XPO6: variants seen among roughly 807,000 people sequenced by gnomAD.
XPO6 encodes exportin 6, also known as exportin-6.
Under a neutral mutation model 130.0 loss-of-function variants are expected in XPO6, and 3 were observed. The observed-to-expected ratio is 0.02, with a 90% CI of 0.01 to 0.06. The LOEUF (loss-of-function observed/expected upper bound fraction) is 0.06, where lower values mean the gene tolerates loss of function less well. XPO6 is among the 10% of genes least tolerant of loss of function. The probability of loss-of-function intolerance (pLI) is 1.00; values close to 1 mark genes in which losing one functional copy is unlikely to be tolerated. For missense variants in XPO6, 970 were observed against 1,393.0 expected (o/e 0.70, Z 4.83); for synonymous variants, 524 against 548.9 (o/e 0.95, Z 0.63).
chr16:28,112,891 T>C lies in XPO6; in HGVS notation c.2151+13A>G. Reference sequence around the variant, plus strand: ...ACAGCCCTGGGGACCCCGGGGGAGCTCTGGGGCCTCACCTTATCGACAAGT... The same window carrying C: ...ACAGCCCTGGGGACCCCGGGGGAGCCCTGGGGCCTCACCTTATCGACAAGT... On this transcript the variant is annotated intron_variant, in intron 16 of 23. Coordinates refer to ENST00000304658, the MANE Select transcript of XPO6 (RefSeq NM_015171.4). The C allele has an allele frequency of 6.2e-7, 1 of 1,610,714 alleles. No homozygotes were observed. The highest frequency in any genetic ancestry group is 8.5e-7 in the Non-Finnish European group (1 of 1,177,630).
At chr16:28,180,390 T>C (rs1388781332) in intron 2 of XPO6, among the ~76,000 whole-genome samples, 1 of 151,948 alleles carries the variant, frequency 6.6e-6, no homozygotes, top group African/African-American at 2.4e-5. Flanking sequence ...AATTTTTTTT[T>C]GAGACAGGAT....
intron 11 of XPO6, among the ~76,000 whole-genome samples, chr16:28,133,506 G>C (rs1240274584): frequency 3.9e-5 from 6 of 152,126 alleles, no homozygotes; most frequent in Non-Finnish European, 7.3e-5. Flanking sequence ...TGCCAAGAGC[G>C]AGCTTTACAA....
At chr16:28,180,727 T>C (rs1485538204) in intron 2 of XPO6, among the ~76,000 whole-genome samples, 1 of 149,692 alleles carries the variant, frequency 6.7e-6, no homozygotes, top group Admixed American at 6.7e-5. Context: ...TTCAACAACA[T>C]TGCTGAAATT....
intron 16 of XPO6, 47 bp from the exon 17 acceptor site, chr16:28,112,053 C>T (rs1252421932): frequency 9.0e-6 from 14 of 1,559,920 alleles, no homozygotes; most frequent in South Asian, 8.2e-5. Flanking sequence ...AGCCAAAGAC[C>T]GTGGTGCGGC....
At chr16:28,177,091 T>G (rs2043545696) in intron 3 of XPO6, 129 bp downstream of exon 3, 1 of 480,600 alleles carries the variant, frequency 2.1e-6, no homozygotes, top group South Asian at 3.3e-5. Flanking sequence ...ATAAAGACAG[T>G]ATGTGGGACG....
chr16:28,125,862 C>A lies in XPO6; in HGVS notation c.1607-14G>T, dbSNP rs370580140. 14 of 1,609,288 alleles carry A rather than the reference C, an allele frequency of 8.7e-6. No individual in the cohort carries two copies. Among genetic ancestry groups the A allele is most frequent in the Admixed American group, 3.4e-5 (2 of 59,538 alleles). On this transcript the variant is annotated splice_polypyrimidine_tract_variant and intron_variant, in intron 12 of 23. Transcript: ENST00000304658. ...TCAACCTGTGTCCTGGAACACAACA[C>A]GCCAGACAGTTTTTCACAGGAAGAC...
chr16:28,129,140 C>G (rs945467198), intron 12 of XPO6, among the ~76,000 whole-genome samples: 2 of 152,238 alleles, frequency 1.3e-5, no homozygotes, highest in African/African-American at 4.8e-5. Context: ...AGTTCCACTT[C>G]ACACATATGT....
rs753884081 is a variant in XPO6, at chr16:28,156,069, A to G, written c.1097+5T>C. ...GCACACCAGCTCCACACTTGGTTTC[A>G]TTACCTCTCATCGAGCTCTTCTAGC... On this transcript the variant is annotated splice_donor_5th_base_variant and intron_variant, in intron 7 of 23. Transcript: ENST00000304658. 6.3e-7 allele frequency: 1 copy of G among 1,588,080 alleles called. No individual in the cohort carries two copies. Among genetic ancestry groups the G allele is most frequent in the Non-Finnish European group, 8.6e-7 (1 of 1,165,886 alleles).
intron 7 of XPO6, among the ~76,000 whole-genome samples, chr16:28,154,954 C>A (rs1360793872): frequency 1.3e-5 from 2 of 152,048 alleles, no homozygotes; most frequent in Non-Finnish European, 2.9e-5. Flanking sequence ...AAAGCTATCA[C>A]CAAATAATTT....
At chr16:28,122,051 A>G (rs2087255780) in intron 13 of XPO6, among the ~76,000 whole-genome samples, 1 of 152,126 alleles carries the variant, frequency 6.6e-6, no homozygotes, top group South Asian at 2.1e-4. Flanking sequence ...AATAAAAACC[A>G]TGCTTAGAGG....
intron 20 of XPO6, 68 bp downstream of exon 20, chr16:28,105,975 G>A (rs1490933844): frequency 5.1e-6 from 8 of 1,567,374 alleles, no homozygotes; most frequent in African/African-American, 1.4e-5. Flanking sequence ...TACATTTTCT[G>A]TGAAATCTCA....
At chr16:28,186,533 G>A (rs1370531740) in intron 1 of XPO6, among the ~76,000 whole-genome samples, 1 of 151,408 alleles carries the variant, frequency 6.6e-6, no homozygotes, top group Non-Finnish European at 1.5e-5. Flanking sequence ...ACCACATCTG[G>A]CTTTTATTTT....
At chr16:28,104,423 TTCATCAATACTAACAGGCAGAACTGA>T in intron 21 of XPO6, 97 bp downstream of exon 21, 4 of 1,230,014 alleles carry the variant, frequency 3.3e-6, no homozygotes, top group Non-Finnish European at 4.5e-6. Flanking sequence ...ATTAATTAAC[TTCATCAATACTAACAGGCAGAACTGA>T]GCTTCAGACC....
Position 28,101,023 on chromosome 16 carries a change from C to G in XPO6, c.3276+435G>C, listed in dbSNP as rs939350609. Reference sequence around the variant, plus strand: ...GAAAGAGCCCAAGACAGCCGGGGAACCTGGGTCCCACCTCTAACCCTGGGG... The same window carrying G: ...GAAAGAGCCCAAGACAGCCGGGGAAGCTGGGTCCCACCTCTAACCCTGGGG... On this transcript the variant is annotated intron_variant, in intron 23 of 23. Transcript: ENST00000304658. The surrounding 1 kb of genome is among the most constrained non-coding windows in gnomAD (Gnocchi z 5.4). The G allele has an allele frequency of 3.6e-6, 1 of 274,780 alleles. No homozygotes were observed. Among genetic ancestry groups the G allele is most frequent in the African/African-American group, 2.2e-5 (1 of 44,932 alleles). 17.0% of individuals were successfully genotyped at this position (274,780 alleles called of 1,614,324 possible).
At chr16:28,154,226 A>G in intron 7 of XPO6, 1 of 956,610 alleles carries the variant, frequency 1.0e-6, no homozygotes, top group Non-Finnish European at 1.2e-6. Context: ...GTTCTTTAGG[A>G]AGGTGCACTC....
At chr16:28,126,443 T>C (rs1596825972) in intron 12 of XPO6, among the ~76,000 whole-genome samples, 1 of 152,158 alleles carries the variant, frequency 6.6e-6, no homozygotes, top group African/African-American at 2.4e-5. Flanking sequence ...AAGACACAGA[T>C]TCCCCGCCAC....
intron 9 of XPO6, 85 bp downstream of exon 9, chr16:28,146,009 A>T: frequency 1.0e-6 from 1 of 979,154 alleles, no homozygotes; most frequent in Non-Finnish European, 1.6e-6. Flanking sequence ...TTCACTGAAA[A>T]GGTCCAAATG....
At position 28,101,569 on chromosome 16, in the gene XPO6, T is replaced by G; in HGVS notation, c.3165A>C (p.Ser1055=). The G allele has an allele frequency of 6.2e-7, 1 of 1,614,214 alleles. No homozygotes were observed. The highest frequency in any genetic ancestry group is 1.1e-5 in the South Asian group (1 of 91,088). Residue 1055 remains serine (S), a synonymous_variant, in exon 23 of 24, where the codon TCA becomes TCC. Transcript: ENST00000304658. This position sits in a 1 kb window ranked among gnomAD's most constrained non-coding sequence, Gnocchi z 5.4. ...CGGCAAAGAAGCCATCAAAGTCGACTGAGGCCATGTTGTAGATGGCGATGC... is the reference window on the plus strand; with the variant it reads ...CGGCAAAGAAGCCATCAAAGTCGACGGAGGCCATGTTGTAGATGGCGATGC... The part of the protein sequence containing the change: ...EIGIAIYNMA[S]VDFDGFFAAF...
At chr16:28,111,094 G>A (rs540709414) in intron 17 of XPO6, 9 of 152,320 alleles carry the variant, frequency 5.9e-5, no homozygotes, top group Non-Finnish European at 1.0e-4. Context: ...ATGCACATAT[G>A]TTAATCTTCC....
Sources: gnomAD v4.1 joint callset for allele counts (sites outside exome capture counted in the v4.1 genomes callset) on GRCh38, gnomAD v4.1.1 for gene constraint, Gnocchi (gnomAD v3.1) non-coding constraint, MANE v1.5 for transcripts, NCBI Gene and HGNC (gene_info 2026-07-23, HGNC 2026-07-21) for gene names.